The following PEAK1 variants were observed in gnomAD, a reference collection of about 807,000 sequenced individuals.
PEAK1 encodes inactive tyrosine-protein kinase PEAK1.
A neutral mutation model predicts 124.7 loss-of-function variants in PEAK1; 54 were observed. The observed-to-expected ratio is 0.43, with a 90% confidence interval of 0.35 to 0.54. The LOEUF is 0.54. PEAK1 is among the 20% of genes least tolerant of loss of function. The pLI, the probability that PEAK1 is intolerant of heterozygous loss-of-function variation, is 0.01. For synonymous variants in PEAK1, 719 were observed against 760.0 expected (o/e 0.95, Z 0.89); for missense variants, 2,046 against 2,134.5 (o/e 0.96, Z 0.82).
chr15:77,389,254 C>T (rs2070245158), intron 1 of PEAK1, among the ~76,000 whole-genome samples: 1 of 152,150 alleles, frequency 6.6e-6, no homozygotes, highest in Non-Finnish European at 1.5e-5. Flanking sequence ...TGCATCCATT[C>T]TCTTTTTTTA....
chr15:77,168,419 GGTAA>G (rs2056276979), intron 7 of PEAK1, among the ~76,000 whole-genome samples: 1 of 152,164 alleles, frequency 6.6e-6, no homozygotes, highest in South Asian at 2.1e-4. Flanking sequence ...AAGGCCACAT[GGTAA>G]GTATTTTAGG....
At chr15:77,341,856 A>G (rs2066555342) in intron 2 of PEAK1, among the ~76,000 whole-genome samples, 1 of 152,212 alleles carries the variant, frequency 6.6e-6, no homozygotes, top group Non-Finnish European at 1.5e-5. Flanking sequence ...CAAGATGTTA[A>G]TAAGGGAAAC....
intron 9 of PEAK1, among the ~76,000 whole-genome samples, chr15:77,119,407 A>C (rs1475657230): frequency 6.6e-6 from 1 of 152,224 alleles, no homozygotes; most frequent in East Asian, 1.9e-4. Flanking sequence ...AGAAGGGAAA[A>C]ATATTAATTC....
chr15:77,146,836 A>AT (rs1211368244), intron 8 of PEAK1, among the ~76,000 whole-genome samples: 7 of 152,218 alleles, frequency 4.6e-5, no homozygotes, highest in African/African-American at 9.6e-5. Context: ...CCTCAGCATA[A>AT]TTTTTTTTAA....
At chr15:77,417,583 C>T (rs984287627) in intron 1 of PEAK1, 14 of 985,248 alleles carry the variant, frequency 1.4e-5, no homozygotes, top group Non-Finnish European at 1.7e-5. Context: ...GATATGGAGC[C>T]TTGTACTCAC....
At chr15:77,219,159 T>C (rs2059275724) in intron 6 of PEAK1, among the ~76,000 whole-genome samples, 1 of 152,024 alleles carries the variant, frequency 6.6e-6, no homozygotes, top group Non-Finnish European at 1.5e-5. Context: ...ATACAGACAA[T>C]GACTGGAGGT....
chr15:77,101,362 G>A (rs1369200853), exon 7 of PEAK1: 5 of 152,184 alleles, frequency 3.3e-5, no homozygotes, highest in African/African-American at 7.2e-5. Context: ...TGATTCTTAC[G>A]AGGCCGAGAT....
intron 2 of PEAK1, chr15:77,345,925 C>T: frequency 2.0e-6 from 2 of 984,910 alleles, no homozygotes; most frequent in Non-Finnish European, 2.4e-6. Flanking sequence ...CCTACACATA[C>T]ATATTAATTA....
At chr15:77,293,572 C>T (rs1449215046) in intron 2 of PEAK1, among the ~76,000 whole-genome samples, 1 of 152,222 alleles carries the variant, frequency 6.6e-6, no homozygotes, top group African/African-American at 2.4e-5. Context: ...GCCCCTCCAA[C>T]GCTGGCCACG....
At chr15:77,326,217 G>A (rs1202414471) in intron 2 of PEAK1, among the ~76,000 whole-genome samples, 2 of 151,858 alleles carry the variant, frequency 1.3e-5, no homozygotes, top group African/African-American at 4.8e-5. Flanking sequence ...GGATTTTAAA[G>A]AATGACATAA....
At chr15:77,355,846 A>G (rs1316250107) in intron 2 of PEAK1, 6 of 985,364 alleles carry the variant, frequency 6.1e-6, no homozygotes, top group Non-Finnish European at 6.0e-6. Context: ...CCCTCCCAGA[A>G]TATCAGCCCT....
At chr15:77,418,936 A>G (rs896803470) in intron 1 of PEAK1, 14 of 985,322 alleles carry the variant, frequency 1.4e-5, no homozygotes, top group Admixed American at 6.1e-5. Flanking sequence ...ACATCATCCA[A>G]TGACCTAAAA....
chr15:77,185,058 G>A (rs962743181), intron 6 of PEAK1, among the ~76,000 whole-genome samples: 1 of 152,230 alleles, frequency 6.6e-6, no homozygotes, highest in African/African-American at 2.4e-5. Flanking sequence ...ATCTGATGAG[G>A]ATCTGGATTA....
chr15:77,136,079 G>T (rs1225072061), intron 8 of PEAK1, among the ~76,000 whole-genome samples: 1 of 152,212 alleles, frequency 6.6e-6, no homozygotes, highest in African/African-American at 2.4e-5. Context: ...GAGACTTGTT[G>T]AATGGCTTTG....
intron 8 of PEAK1, among the ~76,000 whole-genome samples, chr15:77,136,670 AAAATAAAT>A (rs1224024631): frequency 6.6e-6 from 1 of 152,194 alleles, no homozygotes; most frequent in Admixed American, 6.5e-5. Flanking sequence ...CGTCTCCAAA[AAAATAAAT>A]AAATAAAAAT....
chr15:77,225,209 C>T (rs2059575556), intron 6 of PEAK1, among the ~76,000 whole-genome samples: 1 of 151,990 alleles, frequency 6.6e-6, no homozygotes, highest in African/African-American at 2.4e-5. Flanking sequence ...TCAGCTCAGG[C>T]AATCTCATTT....
At chr15:77,313,652 A>ATGTGTGTATG (rs2064636354) in intron 2 of PEAK1, among the ~76,000 whole-genome samples, 1 of 90,602 alleles carries the variant, frequency 1.1e-5, no homozygotes, top group Non-Finnish European at 2.2e-5. Context: ...GTATGTATGT[A>ATGTGTGTATG]TGTGTGTGTG....
intron 7 of PEAK1, among the ~76,000 whole-genome samples, chr15:77,168,729 A>T (rs953150893): frequency 2.0e-5 from 3 of 152,184 alleles, no homozygotes; most frequent in African/African-American, 7.2e-5. Flanking sequence ...AGGGTAAAGG[A>T]AGGTTGATAC....
intron 2 of PEAK1, among the ~76,000 whole-genome samples, chr15:77,294,414 C>A (rs1191039690): frequency 6.6e-6 from 1 of 151,986 alleles, no homozygotes; most frequent in African/African-American, 2.4e-5. Flanking sequence ...AAATAATATA[C>A]CATTTTACTG....
Sources: gnomAD v4.1 joint callset for allele counts (sites outside exome capture counted in the v4.1 genomes callset) on GRCh38, gnomAD v4.1.1 for gene constraint, MANE v1.5 for transcripts, NCBI Gene and HGNC (gene_info 2026-07-23, HGNC 2026-07-21) for gene names.